The following CAPN5 variants were observed in gnomAD, a reference collection of about 807,000 sequenced individuals.
The protein encoded by CAPN5 is calpain-5.
A neutral mutation model predicts 73.0 loss-of-function variants in CAPN5; 54 were observed. The observed-to-expected ratio is 0.74, with a 90% CI of 0.59 to 0.93. CAPN5 has a LOEUF of 0.93. CAPN5 is among the 40% of genes least tolerant of loss of function. The pLI, the probability that CAPN5 is intolerant of heterozygous loss-of-function variation, is 0.00. For synonymous variants in CAPN5, 335 were observed against 356.9 expected, an observed-to-expected ratio of 0.94 and a Z score of 0.69; for missense variants, 785 against 882.9, an observed-to-expected ratio of 0.89 and a Z score of 1.41.
rs1950071765 is a variant in CAPN5 at position 77,085,099 on chromosome 11, C to T, written c.165+48C>T. The T allele has an allele frequency of 3.2e-6, 5 of 1,542,946 alleles. No individual in the cohort carries two copies. In the African/African-American group the frequency reaches 5.4e-5, roughly 17 times the overall value. ...AGCTGGGTGAGCGGGCCCAGGCCCA[C>T]CCACAAGGCTGGGCCTGCAGGGACA... On this transcript the variant is annotated intron_variant, in intron 2 of 12. Transcript: ENST00000648180.
chr11:77,069,405 G>C (rs1949879037), intron 1 of CAPN5, among the ~76,000 whole-genome samples: 2 of 152,154 alleles, frequency 1.3e-5, no homozygotes, highest in Admixed American at 6.5e-5. Flanking sequence ...GAAGGAAACA[G>C]TCCTCTCCTA....
chr11:77,086,145 T>C (rs1950084024), intron 2 of CAPN5, among the ~76,000 whole-genome samples: 3 of 152,116 alleles, frequency 2.0e-5, no homozygotes, highest in Admixed American at 2.0e-4. Flanking sequence ...CCTTGCTCTG[T>C]GAGTAGTGAG....
chr11:77,068,010 A>G (rs1261749523), intron 1 of CAPN5, among the ~76,000 whole-genome samples: 3 of 152,090 alleles, frequency 2.0e-5, no homozygotes, highest in African/African-American at 7.2e-5. Flanking sequence ...AGAGAAAAGT[A>G]CTGAGGGCGA....
rs574711632 is a variant in CAPN5, at chr11:77,110,386, G to C, written c.298-2203G>C. Among the ~76,000 whole-genome samples the C allele has an allele frequency of 2.6e-5, 4 of 152,324 alleles. 1 individual carries two copies. In the South Asian group the frequency reaches 8.3e-4, roughly 32 times the overall value. On this transcript the variant is annotated intron_variant, in intron 3 of 12. Coordinates refer to ENST00000648180, the MANE Select transcript of CAPN5 (RefSeq NM_004055.5). ...TTTGATACAGCTGTCTGTCCTGAAA[G>C]CAAAGTGGGGAGAGAGTGCCAGGAG...
intron 3 of CAPN5, among the ~76,000 whole-genome samples, chr11:77,095,628 G>C (rs545241620): frequency 8.5e-5 from 13 of 152,310 alleles, no homozygotes; most frequent in South Asian, 4.1e-4. Context: ...AGACCTCCCA[G>C]GGCCTTGTGG....
At chr11:77,098,540 C>T (rs1950241810) in intron 3 of CAPN5, among the ~76,000 whole-genome samples, 1 of 93,124 alleles carries the variant, frequency 1.1e-5, no homozygotes. Flanking sequence ...GGGCGGCTGG[C>T]CGGGCGGGGG....
Position 77,112,599 on chromosome 11 carries a change from A to G in CAPN5, c.308A>G (p.Asp103Gly). 6.2e-7 allele frequency: 1 copy of G among 1,606,932 alleles called. No homozygotes were observed. Among genetic ancestry groups the G allele is most frequent in the African/African-American group, 1.3e-5 (1 of 74,416 alleles). ...RESLWQKVIP[D>G]WKEQEWDPEK... ...CCTCCCCCTACCCAGGTCATCCCAG[A>G]CTGGAAGGAGCAGGAATGGGACCCC... is the stretch of plus-strand genomic sequence containing the variant. The change falls in exon 4 of 13, where the codon GAC becomes GGC. Residue 103 changes from aspartate to glycine, a missense_variant. By Grantham distance (94) the Asp-to-Gly change is moderately conservative. Coordinates refer to ENST00000648180, the MANE Select transcript of CAPN5 (RefSeq NM_004055.5).
At chr11:77,091,790 G>A (rs930574578) in intron 2 of CAPN5, among the ~76,000 whole-genome samples, 2 of 152,236 alleles carry the variant, frequency 1.3e-5, no homozygotes, top group Non-Finnish European at 2.9e-5. Flanking sequence ...CTTCCTGGTT[G>A]CATCTCTTGG....
chr11:77,076,731 A>G (rs1555033962), intron 1 of CAPN5, among the ~76,000 whole-genome samples: 1 of 152,160 alleles, frequency 6.6e-6, no homozygotes, highest in African/African-American at 2.4e-5. Context: ...ATTACATTGT[A>G]TGTATATACC....
Position 77,120,922 on chromosome 11 carries a change from T to A in CAPN5, c.1487+13T>A, listed in dbSNP as rs1555042728. 6.2e-7 allele frequency: 1 copy of A among 1,608,386 alleles called. No homozygotes were observed. The highest frequency in any genetic ancestry group is 8.5e-7 in the Non-Finnish European group (1 of 1,176,038). ...CCTCCAACTGCCGGTACTTGGGGGC[T>A]GGCTTGAGGCCAGTGTGGGTGGGAG... On this transcript the variant is annotated intron_variant, in intron 10 of 12. Coordinates refer to ENST00000648180, the MANE Select transcript of CAPN5 (RefSeq NM_004055.5).
Position 77,081,906 on chromosome 11 carries a change from ACT to A in CAPN5, c.-35-2941_-35-2940del, listed in dbSNP as rs782032608. On this transcript the variant is annotated intron_variant, in intron 1 of 12. Coordinates refer to ENST00000648180, the MANE Select transcript of CAPN5 (RefSeq NM_004055.5). Reference sequence around the variant, plus strand: ...CTGATTCCCCTTGGGAGCCTCCGCCACTCTCTGAGCCTTTTTCTCTTCTTGAA... The same window carrying A: ...CTGATTCCCCTTGGGAGCCTCCGCCACTCTGAGCCTTTTTCTCTTCTTGAA... Among the ~76,000 whole-genome samples the A allele has an allele frequency of 6.3e-4, 95 of 151,484 alleles. 1 individual carries two copies. Among genetic ancestry groups the A allele is most frequent in the South Asian group, 1.3e-3 (6 of 4,788 alleles).
chr11:77,115,966 C>T (rs1056576553), intron 6 of CAPN5, among the ~76,000 whole-genome samples: 1 of 152,032 alleles, frequency 6.6e-6, no homozygotes, highest in African/African-American at 2.4e-5. Context: ...GGGGTCGCAC[C>T]CCCCTTCCCC....
intron 11 of CAPN5, among the ~76,000 whole-genome samples, chr11:77,122,351 T>G (rs1178608725): frequency 6.6e-6 from 1 of 152,094 alleles, no homozygotes; most frequent in Non-Finnish European, 1.5e-5. Flanking sequence ...AGAAAGGTGC[T>G]CCGGGCAGAG....
chr11:77,102,368 A>G (rs774438543), intron 3 of CAPN5, among the ~76,000 whole-genome samples: 1 of 152,056 alleles, frequency 6.6e-6, no homozygotes, highest in Admixed American at 6.5e-5. Context: ...ATCTCCAATC[A>G]CCAAGCCCTC....
At chr11:77,094,366 C>T (rs7114563) in intron 3 of CAPN5, among the ~76,000 whole-genome samples, 26,397 of 150,780 alleles carry the variant, frequency 0.18, 2,310 homozygotes, top group Middle Eastern at 0.26. Context: ...AACCTCCTAT[C>T]CCAGCACAGT....
intron 3 of CAPN5, among the ~76,000 whole-genome samples, chr11:77,104,571 C>T (rs1409018580): frequency 1.3e-5 from 2 of 152,218 alleles, no homozygotes; most frequent in Non-Finnish European, 2.9e-5. Context: ...TCATCAGATT[C>T]AGTTCTGACT....
chr11:77,071,555 T>G (rs1949906977), intron 1 of CAPN5: 2 of 431,446 alleles, frequency 4.6e-6, no homozygotes, highest in African/African-American at 2.0e-5. Context: ...GTCTGGTATG[T>G]GGGGTCAGGT....
chr11:77,097,323 T>TG (rs1950220274), intron 3 of CAPN5, among the ~76,000 whole-genome samples: 1 of 152,288 alleles, frequency 6.6e-6, no homozygotes, highest in Admixed American at 6.5e-5. Flanking sequence ...TGCACATGGA[T>TG]GGAGCACCAG....
At chr11:77,112,839 G>GTGCCACCCCCGTCT in intron 4 of CAPN5, 42 bp downstream of exon 4, 1 of 1,587,202 alleles carries the variant, frequency 6.3e-7, no homozygotes, top group Non-Finnish European at 8.6e-7. Context: ...GGCCCAGACG[G>GTGCCACCCCCGTCT]GGGTGGCACC....
Sources: gnomAD v4.1 joint callset for allele counts (sites outside exome capture counted in the v4.1 genomes callset) on GRCh38, gnomAD v4.1.1 for gene constraint, MANE v1.5 for transcripts, NCBI Gene and HGNC (gene_info 2026-07-23, HGNC 2026-07-21) for gene names.